Variants in KLF17 observed in about 807,000 individuals in gnomAD.
The protein encoded by KLF17 is KLF transcription factor 17.
Under a neutral mutation model 34.2 loss-of-function variants are expected in KLF17, and 31 were observed. The ratio of observed to expected loss-of-function variants is 0.91; its 90% CI spans 0.68 to 1.22. KLF17 has a LOEUF of 1.22. KLF17 is among the 50% of genes most tolerant of loss of function. The pLI is 0.00. For synonymous variants in KLF17, 179 were observed against 186.7 expected (o/e 0.96, Z 0.34); for missense variants, 478 against 505.2 (o/e 0.95, Z 0.52).
At position 44,130,685 on chromosome 1, in the gene KLF17, C is replaced by T. The variant is rs754122457; in HGVS notation, c.1099C>T (p.Pro367Ser). The T allele has an allele frequency of 6.2e-7, 1 of 1,613,538 alleles. No individual in the cohort carries two copies. Among genetic ancestry groups the T allele is most frequent in the East Asian group, 2.2e-5 (1 of 44,862 alleles). Residue 367 changes from proline to serine, a missense_variant, in exon 3 of 4, where the codon CCG (proline) becomes TCG (serine). By Grantham distance (74) the Pro-to-Ser change is moderately conservative. Coordinates refer to ENST00000372299, the MANE Select transcript of KLF17 (RefSeq NM_173484.4). ...CAAGCAACACCAGAAGACTCATCGG[C>T]CGGGACCCTCAGACCCACAGGCCAA... is the stretch of plus-strand genomic sequence containing the variant. ...HLKQHQKTHR[P>S]GPSDPQANNN...
upstream of KLF17, chr1:44,116,057 A>T (rs539192553): frequency 6.6e-6 from 1 of 152,306 alleles, no homozygotes; most frequent in African/African-American, 2.4e-5. Flanking sequence ...TATAAAAATG[A>T]TCTGCTCTGT....
chr1:44,058,667 C>CTTT, the KLF17 span, among the ~76,000 whole-genome samples: 45 of 65,218 alleles, frequency 6.9e-4, 6 homozygotes, highest in East Asian at 3.3e-3. Context: ...ATGGGAGGCC[C>CTTT]TTTTTTTTTT....
chr1:44,100,635 T>TTTTTG, the KLF17 span, among the ~76,000 whole-genome samples: 173 of 151,552 alleles, frequency 1.1e-3, no homozygotes, highest in African/African-American at 3.8e-3. Flanking sequence ...TTTGTTTTTG[T>TTTTTG]TTTTGTTTTG....
chr1:44,134,493 C>G lies in KLF17; in HGVS notation c.*1256C>G, dbSNP rs553158701. 2 of 151,880 alleles carry G rather than the reference C, an allele frequency of 1.3e-5. No homozygotes were observed. Among genetic ancestry groups the G allele is most frequent in the Non-Finnish European group, 2.9e-5 (2 of 68,036 alleles). The allele number at this position is 151,880 out of a possible 1,614,324, so 9.4% of individuals were successfully genotyped here. On this transcript the variant is annotated 3_prime_UTR_variant, in exon 4 of 4. Coordinates refer to ENST00000372299, the MANE Select transcript of KLF17 (RefSeq NM_173484.4). ...AGTGAGCTCAGATCTCACCATTGCACTCCAGCCTGGGCGACTGAGCGAGAC... is the reference window on the plus strand; with the variant it reads ...AGTGAGCTCAGATCTCACCATTGCAGTCCAGCCTGGGCGACTGAGCGAGAC...
chr1:44,107,638 T>C, the KLF17 span, among the ~76,000 whole-genome samples: 3 of 152,232 alleles, frequency 2.0e-5, no homozygotes, highest in African/African-American at 7.2e-5. Flanking sequence ...ATTTCCACTC[T>C]GTCTATGCTA....
the KLF17 span, chr1:44,076,008 A>T: frequency 6.6e-6 from 1 of 152,220 alleles, no homozygotes; most frequent in Non-Finnish European, 1.5e-5. Flanking sequence ...GTATTCCATC[A>T]GCAATGTATG....
At chr1:44,078,435 TTC>T in the KLF17 span, among the ~76,000 whole-genome samples, 470 of 96,888 alleles carry the variant, frequency 4.9e-3, 17 homozygotes, top group African/African-American at 6.9e-3. Flanking sequence ...CTTTTCCTTC[TTC>T]TTTTTTTTTT....
chr1:44,092,141 G>A, the KLF17 span, among the ~76,000 whole-genome samples: 1 of 151,728 alleles, frequency 6.6e-6, no homozygotes, highest in East Asian at 1.9e-4. Flanking sequence ...TCGGGGGTTC[G>A]AGACCAGCCT....
the KLF17 span, among the ~76,000 whole-genome samples, chr1:44,075,562 G>C: frequency 6.6e-6 from 1 of 152,084 alleles, no homozygotes; most frequent in Admixed American, 6.5e-5. Context: ...TGTCATTAAG[G>C]CCAGCCAAGT....
chr1:44,067,175 A>G, the KLF17 span, among the ~76,000 whole-genome samples: 1 of 150,622 alleles, frequency 6.6e-6, no homozygotes, highest in African/African-American at 2.5e-5. Context: ...CTGGGTCAAG[A>G]AGTCCCCTTC....
chr1:44,052,643 CCTT>C, the KLF17 span, among the ~76,000 whole-genome samples: 10 of 152,172 alleles, frequency 6.6e-5, no homozygotes, highest in African/African-American at 2.4e-4. Flanking sequence ...TATATTTACA[CCTT>C]CTTTGTACAA....
chr1:44,046,539 T>TCACA, the KLF17 span, among the ~76,000 whole-genome samples: 25 of 25,308 alleles, frequency 9.9e-4, no homozygotes, highest in Non-Finnish European at 2.0e-3. Flanking sequence ...ACACACACAC[T>TCACA]CACACACACA....
the KLF17 span, among the ~76,000 whole-genome samples, chr1:44,051,742 C>A: frequency 6.4e-3 from 962 of 151,406 alleles, 11 homozygotes; most frequent in African/African-American, 0.022. Flanking sequence ...TTTCTGTTGA[C>A]TAAATTTGGG....
At chr1:44,117,074 TTC>T (rs2087886176), upstream of KLF17, 1 of 151,970 alleles carries the variant, frequency 6.6e-6, no homozygotes, top group East Asian at 1.9e-4. Context: ...CCATTACAAA[TTC>T]TGTTTTTCAT....
the KLF17 span, among the ~76,000 whole-genome samples, chr1:44,109,897 C>CTTTTT: frequency 1.3e-4 from 10 of 77,192 alleles, 1 homozygote; most frequent in African/African-American, 5.2e-4. Context: ...CTTTTTTATA[C>CTTTTT]TTTTTTTTTT....
chr1:44,120,527 G>T (rs2087934184), intron 1 of KLF17, among the ~76,000 whole-genome samples: 1 of 152,250 alleles, frequency 6.6e-6, no homozygotes, highest in Non-Finnish European at 1.5e-5. Flanking sequence ...CAAGCGAGGA[G>T]TCTGGAAAGT....
At position 44,129,671 on chromosome 1, in the gene KLF17, C is replaced by G; in HGVS notation, c.400C>G (p.Pro134Ala). The G allele has an allele frequency of 6.2e-7, 1 of 1,614,156 alleles. No individual in the cohort carries two copies. The highest frequency in any genetic ancestry group is 8.5e-7 in the Non-Finnish European group (1 of 1,180,024). Reference sequence around the variant, plus strand: ...GATTTTCAGTGGGCCCCAACTAATGCCCGTAGGAGAGCCCAATATTCCAAG... The same window carrying G: ...GATTTTCAGTGGGCCCCAACTAATGGCCGTAGGAGAGCCCAATATTCCAAG... ...MTIFSGPQLMPVGEPNIPRVA... is the reference protein window; with the variant it reads ...MTIFSGPQLMAVGEPNIPRVA... Residue 134 changes from proline (P) to alanine (A), a missense_variant, in exon 2 of 4, where the codon CCC (proline) becomes GCC (alanine). Coordinates refer to ENST00000372299, the MANE Select transcript of KLF17 (RefSeq NM_173484.4).
the KLF17 span, among the ~76,000 whole-genome samples, chr1:44,065,176 T>A: frequency 1.3e-5 from 2 of 151,668 alleles, no homozygotes. Flanking sequence ...TAATCTCAGC[T>A]ACTCGGGAAG....
the KLF17 span, among the ~76,000 whole-genome samples, chr1:44,071,952 T>C: frequency 6.6e-6 from 1 of 151,788 alleles, no homozygotes; most frequent in Non-Finnish European, 1.5e-5. Context: ...CCACCTGGGC[T>C]GCCCTTTGCC....
Sources: gnomAD v4.1 joint callset for allele counts (sites outside exome capture counted in the v4.1 genomes callset) on GRCh38, gnomAD v4.1.1 for gene constraint, MANE v1.5 for transcripts, NCBI Gene and HGNC (gene_info 2026-07-23, HGNC 2026-07-21) for gene names.